Variants in PHACTR1 observed in about 807,000 individuals in gnomAD.
The protein encoded by PHACTR1 is RPEL repeat containing 1.
PHACTR1 carries 16 observed loss-of-function variants against 69.2 expected under a neutral mutation model. The observed-to-expected ratio is 0.23, with a 90% CI of 0.16 to 0.35. PHACTR1 has a LOEUF of 0.35. Among genes scored for constraint, PHACTR1 ranks in the 10% least tolerant of loss-of-function variants. The probability of loss-of-function intolerance (pLI) is 1.00; values close to 1 mark genes in which losing one functional copy is unlikely to be tolerated. For missense variants in PHACTR1, 510 were observed against 734.7 expected, an observed-to-expected ratio of 0.69 and a Z score of 3.54; for synonymous variants, 312 against 284.5, an observed-to-expected ratio of 1.10 and a Z score of -0.97.
chr6:12,868,345 G>A (rs796309747), intron 4 of PHACTR1, among the ~76,000 whole-genome samples: 47 of 152,094 alleles, frequency 3.1e-4, no homozygotes, highest in African/African-American at 1.0e-3. Flanking sequence ...GTTCCTTAAG[G>A]AATGATAACC....
chr6:13,180,599 C>T (rs1762055467), intron 6 of PHACTR1, among the ~76,000 whole-genome samples: 3 of 152,230 alleles, frequency 2.0e-5, no homozygotes, highest in African/African-American at 2.4e-5. Flanking sequence ...CTGAGACCTC[C>T]GTCCCCTCTG....
intron 4 of PHACTR1, among the ~76,000 whole-genome samples, chr6:12,892,256 T>C (rs1469064836): frequency 1.3e-5 from 2 of 152,174 alleles, no homozygotes; most frequent in African/African-American, 4.8e-5. Flanking sequence ...TAAAGAAAAT[T>C]ATCCTCTTTG....
intron 4 of PHACTR1, among the ~76,000 whole-genome samples, chr6:13,045,209 C>G (rs1322949370): frequency 6.6e-6 from 1 of 151,878 alleles, no homozygotes; most frequent in Non-Finnish European, 1.5e-5. Context: ...TCATTAGTCC[C>G]TTCTCAATTT....
chr6:12,933,770 G>A (rs376691858), intron 4 of PHACTR1: 493 of 1,612,802 alleles, frequency 3.1e-4, no homozygotes, highest in Non-Finnish European at 3.9e-4. Flanking sequence ...CACTACATCA[G>A]CCCACATCTG....
chr6:12,903,287 A>C (rs1785390970), intron 4 of PHACTR1, among the ~76,000 whole-genome samples: 1 of 152,218 alleles, frequency 6.6e-6, no homozygotes, highest in South Asian at 2.1e-4. Context: ...CTGTGTGGTA[A>C]AGGGTGGATA....
chr6:13,257,383 G>T (rs889924414), intron 10 of PHACTR1, among the ~76,000 whole-genome samples: 1 of 152,144 alleles, frequency 6.6e-6, no homozygotes, highest in African/African-American at 2.4e-5. Context: ...TGGGGACACA[G>T]ATCCAAACCA....
chr6:12,932,608 A>G (rs548605046), intron 4 of PHACTR1, among the ~76,000 whole-genome samples: 2 of 152,238 alleles, frequency 1.3e-5, no homozygotes, highest in African/African-American at 4.8e-5. Context: ...TGTCATATTC[A>G]TAAAGACACA....
chr6:13,169,563 G>T (rs1339171321), intron 6 of PHACTR1, among the ~76,000 whole-genome samples: 1 of 152,078 alleles, frequency 6.6e-6, no homozygotes, highest in Non-Finnish European at 1.5e-5. Flanking sequence ...CTAAGAAGTG[G>T]TCAAAAAATA....
chr6:13,005,927 C>G (rs553414823), intron 4 of PHACTR1, among the ~76,000 whole-genome samples: 2 of 152,132 alleles, frequency 1.3e-5, no homozygotes, highest in African/African-American at 2.4e-5. Context: ...ACTCCACTCT[C>G]TATTTCTCAC....
chr6:12,831,419 T>C (rs1777569804), intron 4 of PHACTR1, among the ~76,000 whole-genome samples: 1 of 151,506 alleles, frequency 6.6e-6, no homozygotes. Context: ...TTCAGTGACC[T>C]AAGAGCAAGG....
intron 4 of PHACTR1, among the ~76,000 whole-genome samples, chr6:12,851,075 GT>G (rs1405930388): frequency 3.3e-5 from 5 of 152,178 alleles, no homozygotes; most frequent in Admixed American, 1.3e-4. Flanking sequence ...GAGTTCGTGT[GT>G]TCACACATCT....
At chr6:13,270,965 AAG>A (rs144497419) in intron 10 of PHACTR1, among the ~76,000 whole-genome samples, 122 of 149,078 alleles carry the variant, frequency 8.2e-4, no homozygotes, top group Admixed American at 1.1e-3. Context: ...AAGCAGGAGC[AAG>A]AGAGAGAGAG....
At chr6:13,274,850 C>A (rs1189905839) in intron 11 of PHACTR1, 1 of 152,162 alleles carries the variant, frequency 6.6e-6, no homozygotes, top group African/African-American at 2.4e-5. Context: ...CTTGTCCTGG[C>A]CACATAGTTG....
chr6:12,951,333 T>C (rs1455568050), intron 4 of PHACTR1, among the ~76,000 whole-genome samples: 1 of 152,220 alleles, frequency 6.6e-6, no homozygotes, highest in Non-Finnish European at 1.5e-5. Flanking sequence ...CAGGCTAGTC[T>C]AAGTTTAGCA....
intron 4 of PHACTR1, among the ~76,000 whole-genome samples, chr6:12,905,464 C>G (rs1360414825): frequency 6.6e-6 from 1 of 152,192 alleles, no homozygotes; most frequent in East Asian, 1.9e-4. Flanking sequence ...CGAACACATC[C>G]TATATGCTAG....
intron 3 of PHACTR1, among the ~76,000 whole-genome samples, chr6:12,730,649 A>G (rs146648524): frequency 5.3e-5 from 8 of 152,340 alleles, no homozygotes; most frequent in African/African-American, 1.7e-4. Context: ...GGTTTGTTAC[A>G]TAGGTAAACT....
intron 3 of PHACTR1, among the ~76,000 whole-genome samples, chr6:12,719,375 G>A (rs192936571): frequency 5.0e-4 from 76 of 152,302 alleles, no homozygotes; most frequent in African/African-American, 1.4e-3. Context: ...TGATGTGTCC[G>A]TTTTTATTAC....
intron 13 of PHACTR1, among the ~76,000 whole-genome samples, chr6:13,284,722 C>T (rs1781266834): frequency 6.6e-6 from 1 of 151,686 alleles, no homozygotes; most frequent in South Asian, 2.1e-4. Context: ...TTATATGATA[C>T]AGCAGGAAGT....
chr6:12,973,239 G>A (rs148380637), intron 4 of PHACTR1, among the ~76,000 whole-genome samples: 1 of 152,182 alleles, frequency 6.6e-6, no homozygotes, highest in Non-Finnish European at 1.5e-5. Flanking sequence ...TTGAACATAA[G>A]CTCAAAACCT....
Sources: gnomAD v4.1 joint callset for allele counts (sites outside exome capture counted in the v4.1 genomes callset) on GRCh38, gnomAD v4.1.1 for gene constraint, MANE v1.5 for transcripts, NCBI Gene and HGNC (gene_info 2026-07-23, HGNC 2026-07-21) for gene names.